The following RPTOR variants were observed in gnomAD, a reference collection of about 807,000 sequenced individuals.
RPTOR encodes regulatory associated protein of MTOR complex 1.
A neutral mutation model predicts 169.9 loss-of-function variants in RPTOR; 21 were observed. That is an observed-to-expected ratio of 0.12 (90% CI 0.09 to 0.18). The LOEUF (loss-of-function observed/expected upper bound fraction) is 0.18. Among genes scored for constraint, RPTOR ranks in the 10% least tolerant of loss-of-function variants. The pLI is 1.00. For synonymous variants in RPTOR, 732 were observed against 753.2 expected (o/e 0.97, Z 0.46); for missense variants, 1,133 against 1,855.9 (o/e 0.61, Z 7.16).
chr17:80,895,048 T>C lies in RPTOR; in HGVS notation c.2401+1183T>C, dbSNP rs144328010. Among the ~76,000 whole-genome samples the C allele has an allele frequency of 5.8e-4, 89 of 152,364 alleles. 1 individual carries two copies. The highest frequency in any genetic ancestry group is 3.4e-3 in the Middle Eastern group (1 of 294). On this transcript the variant is annotated intron_variant, in intron 20 of 33. Coordinates refer to ENST00000306801, the MANE Select transcript of RPTOR (RefSeq NM_020761.3). ...TCCGCGATCTGCCGTGACTCCATTA[T>C]CCATTCTCCTGTCTGGGGACAGTGA...
intron 20 of RPTOR, among the ~76,000 whole-genome samples, chr17:80,894,090 C>T (rs116775090): frequency 0.019 from 2,821 of 150,364 alleles, 83 homozygotes; most frequent in African/African-American, 0.067. Flanking sequence ...CAGGCTGCTC[C>T]GGAGCCATCG....
intron 1 of RPTOR, among the ~76,000 whole-genome samples, chr17:80,582,414 G>A (rs181214216): frequency 6.6e-6 from 1 of 152,266 alleles, no homozygotes; most frequent in Admixed American, 6.5e-5. Flanking sequence ...TCTGTTCCCT[G>A]AACAATTGGA....
chr17:80,786,970 G>C (rs2066998607), intron 6 of RPTOR, among the ~76,000 whole-genome samples: 1 of 152,158 alleles, frequency 6.6e-6, no homozygotes, highest in South Asian at 2.1e-4. Context: ...TATTTTTATA[G>C]CATAATGGGT....
Position 80,791,528 on chromosome 17 carries a change from C to G in RPTOR, c.890+19C>G, listed in dbSNP as rs746995356. 2 of 1,609,182 alleles carry G rather than the reference C, an allele frequency of 1.2e-6. No homozygotes were observed. Among genetic ancestry groups the G allele is most frequent in the East Asian group, 4.5e-5 (2 of 44,812 alleles). ...TAGAAAAGTAAGTAGGATTTTTAAG[C>G]TCTTGTGGCTCTCTGGATCTGATGA... is the stretch of plus-strand genomic sequence containing the variant. On this transcript the variant is annotated intron_variant, in intron 7 of 33. Transcript: ENST00000306801.
At chr17:80,872,615 G>A (rs1311265701) in intron 13 of RPTOR, among the ~76,000 whole-genome samples, 2 of 152,226 alleles carry the variant, frequency 1.3e-5, no homozygotes, top group East Asian at 1.9e-4. Flanking sequence ...GGAGACAGTT[G>A]TATCAGCTGC....
chr17:80,581,562 A>G (rs982497632), intron 1 of RPTOR, among the ~76,000 whole-genome samples: 1 of 143,808 alleles, frequency 7.0e-6, no homozygotes, highest in Non-Finnish European at 1.5e-5. Flanking sequence ...CATGCCTGCT[A>G]TTCTCTGCAG....
intron 5 of RPTOR, among the ~76,000 whole-genome samples, chr17:80,749,787 A>G (rs573710551): frequency 6.6e-6 from 1 of 152,266 alleles, no homozygotes; most frequent in Non-Finnish European, 1.5e-5. Context: ...ACCACAGCTC[A>G]CTGCCACCTT....
intron 1 of RPTOR, among the ~76,000 whole-genome samples, chr17:80,566,537 C>G (rs1160154493): frequency 1.3e-5 from 2 of 151,878 alleles, no homozygotes; most frequent in African/African-American, 4.8e-5. Context: ...GTATATTTTC[C>G]TGGCTGGGTG....
At chr17:80,741,467 A>G (rs879285273) in intron 5 of RPTOR, among the ~76,000 whole-genome samples, 1 of 152,196 alleles carries the variant, frequency 6.6e-6, no homozygotes, top group Non-Finnish European at 1.5e-5. Flanking sequence ...CTTAGGCAAA[A>G]GGAGTTAAAG....
Position 80,700,751 on chromosome 17 carries a change from GTGATGA to G in RPTOR, c.349-7087_349-7082del, listed in dbSNP as rs113318500. ...GGTGATGATGGTGGTGGTGGTGGTGGTGATGATGGTGATGGTGATGGTAGAGATGAT... is the reference window on the plus strand; with the variant it reads ...GGTGATGATGGTGGTGGTGGTGGTGGTGGTGATGGTGATGGTAGAGATGAT... On this transcript the variant is annotated intron_variant, in intron 3 of 33. Coordinates refer to ENST00000306801, the MANE Select transcript of RPTOR (RefSeq NM_020761.3). 1.5e-4 allele frequency among the ~76,000 whole-genome samples: 12 copies of G among 82,456 alleles called. 1 individual carries two copies. Among genetic ancestry groups the G allele is most frequent in the Admixed American group, 6.7e-4 (6 of 9,020 alleles). The allele number at this position is 82,456 out of a possible 152,430, so 54.1% of individuals were successfully genotyped here.
At position 80,959,831 on chromosome 17, in the gene RPTOR, AG is replaced by A. The variant is rs1446668697; in HGVS notation, c.3478-244del. Among the ~76,000 whole-genome samples, 18 of 152,300 alleles carry A rather than the reference AG, an allele frequency of 1.2e-4. No homozygotes were observed. The highest frequency in any genetic ancestry group is 2.1e-4 in the Non-Finnish European group (14 of 68,014). The stretch of plus-strand genomic sequence containing the variant: ...TGGGTCCCAGGCGCCTCAGGGCCTC[AG>A]GGCTGTCCCTCCAGGGCCAAGGGAT... On this transcript the variant is annotated intron_variant, in intron 29 of 33. Transcript: ENST00000306801. The surrounding 1 kb of genome is among the most constrained non-coding windows in gnomAD (Gnocchi z 6.7).
chr17:80,602,765 C>CAG (rs1412325228), intron 1 of RPTOR: 9 of 732,898 alleles, frequency 1.2e-5, no homozygotes, highest in Non-Finnish European at 2.0e-5. Flanking sequence ...CCATCTCCTT[C>CAG]ATGTCAAATT....
chr17:80,663,981 C>T (rs918498686), intron 3 of RPTOR, among the ~76,000 whole-genome samples: 1 of 152,154 alleles, frequency 6.6e-6, no homozygotes, highest in Non-Finnish European at 1.5e-5. Flanking sequence ...CCGTGACAGC[C>T]GCGTGGGCAT....
intron 1 of RPTOR, among the ~76,000 whole-genome samples, chr17:80,584,869 C>A (rs970008093): frequency 1.3e-4 from 20 of 152,172 alleles, no homozygotes; most frequent in African/African-American, 4.8e-4. Flanking sequence ...AATAAATGAT[C>A]TTGGATGTGT....
chr17:80,595,857 C>G (rs141591968), intron 1 of RPTOR, among the ~76,000 whole-genome samples: 1 of 152,128 alleles, frequency 6.6e-6, no homozygotes, highest in Non-Finnish European at 1.5e-5. Context: ...TATTTTGATT[C>G]TTCTTATAGG....
chr17:80,682,050 C>T (rs530679496), intron 3 of RPTOR, among the ~76,000 whole-genome samples: 2 of 151,058 alleles, frequency 1.3e-5, no homozygotes, highest in Admixed American at 1.3e-4. Context: ...AGATTAGCCA[C>T]ATCATATTTT....
At chr17:80,858,146 C>G in intron 13 of RPTOR, 1 of 531,868 alleles carries the variant, frequency 1.9e-6, no homozygotes, top group Non-Finnish European at 3.4e-6. Flanking sequence ...TCAGTCCCCC[C>G]ACACCGTCCT....
At chr17:80,691,955 A>C (rs1161360163) in intron 3 of RPTOR, among the ~76,000 whole-genome samples, 1 of 152,266 alleles carries the variant, frequency 6.6e-6, no homozygotes, top group Middle Eastern at 3.4e-3. Context: ...GTAATTACCC[A>C]TTCTCTTATC....
intron 20 of RPTOR, among the ~76,000 whole-genome samples, chr17:80,905,467 G>A (rs1216756039): frequency 4.0e-5 from 6 of 151,758 alleles, no homozygotes; most frequent in Non-Finnish European, 7.4e-5. Flanking sequence ...GTGGTGGTGG[G>A]CACCTGTAGT....
Sources: allele counts gnomAD v4.1 joint callset (sites outside exome capture counted in the v4.1 genomes callset), GRCh38; gene constraint gnomAD v4.1.1; non-coding constraint Gnocchi (gnomAD v3.1); transcripts MANE v1.5; gene names NCBI Gene and HGNC (gene_info 2026-07-23, HGNC 2026-07-21).